The following ABCA13 variants were observed in gnomAD, a reference collection of about 807,000 sequenced individuals.
ABCA13 encodes the protein ATP-binding cassette sub-family A member 13.
ABCA13 carries 476 observed loss-of-function variants against 478.7 expected under a neutral mutation model. That is an observed-to-expected ratio of 0.99 (90% CI 0.92 to 1.07). ABCA13 has a LOEUF of 1.07. Ranked by LOEUF, ABCA13 falls within the 50% of genes least tolerant of loss-of-function variation. ABCA13 has a pLI of 0.00. For synonymous variants in ABCA13, 2,252 were observed against 2,158.9 expected, an observed-to-expected ratio of 1.04 and a Z score of -1.20; for missense variants, 6,060 against 5,910.6, an observed-to-expected ratio of 1.03 and a Z score of -0.83.
intron 15 of ABCA13, among the ~76,000 whole-genome samples, chr7:48,264,354 C>T (rs1248511467): frequency 6.6e-6 from 1 of 151,814 alleles, no homozygotes; most frequent in Non-Finnish European, 1.5e-5. Flanking sequence ...TTACAAAATT[C>T]ACAAACTGTT....
chr7:48,309,815 A>G (rs1166950243), intron 23 of ABCA13, 132 bp from the exon 24 acceptor site: 2 of 931,920 alleles, frequency 2.1e-6, no homozygotes, highest in African/African-American at 3.3e-5. Context: ...GGCTCCCCGC[A>G]TCTGCAGGTC....
intron 3 of ABCA13, among the ~76,000 whole-genome samples, chr7:48,218,746 A>C (rs1331730451): frequency 4.6e-5 from 7 of 152,266 alleles, no homozygotes; most frequent in Admixed American, 2.0e-4. Flanking sequence ...CATTGAATTT[A>C]TTTTATTCAT....
intron 46 of ABCA13, among the ~76,000 whole-genome samples, chr7:48,482,676 G>A (rs1435736468): frequency 6.6e-6 from 1 of 152,124 alleles, no homozygotes; most frequent in Admixed American, 6.5e-5. Flanking sequence ...TTACAGGTGT[G>A]AGCCACCACA....
chr7:48,511,249 AG>A, intron 51 of ABCA13, 50 bp downstream of exon 51: 1 of 1,486,462 alleles, frequency 6.7e-7, no homozygotes, highest in Non-Finnish European at 9.2e-7. Flanking sequence ...TTTCTGAAAG[AG>A]AAAACCCTCA....
rs1815419535 is a variant in ABCA13, at chr7:48,387,832, T to C, written c.11346T>C (p.Gly3782=). The C allele has an allele frequency of 1.3e-6, 2 of 1,581,254 alleles. No individual in the cohort carries two copies. Among genetic ancestry groups the C allele is most frequent in the Non-Finnish European group, 1.7e-6 (2 of 1,168,592 alleles). The change falls in exon 36 of 62, where the codon GGT becomes GGC. Residue 3782 remains glycine, a synonymous_variant. Transcript: ENST00000435803. ...YLSNLIPGTF[G]LRKPWYFPFT... is the part of the protein sequence containing the mutation. Reference sequence around the variant, plus strand: ...TGTTTCATTTTTTAGGAACATTTGGTTTACGGAAACCATGGTATTTCCCCT... The same window carrying C: ...TGTTTCATTTTTTAGGAACATTTGGCTTACGGAAACCATGGTATTTCCCCT...
intron 20 of ABCA13, among the ~76,000 whole-genome samples, chr7:48,295,062 G>A (rs1454569668): frequency 1.3e-5 from 2 of 152,076 alleles, no homozygotes; most frequent in Non-Finnish European, 2.9e-5. Flanking sequence ...GGGATTTCTG[G>A]ATCATATGGT....
At chr7:48,364,838 T>C (rs1811430454) in intron 31 of ABCA13, among the ~76,000 whole-genome samples, 1 of 152,226 alleles carries the variant, frequency 6.6e-6, no homozygotes, top group Non-Finnish European at 1.5e-5. Context: ...ATTCCATATC[T>C]TAGCTATTGT....
At chr7:48,279,995 C>A (rs1796820506) in intron 18 of ABCA13, 75 bp downstream of exon 18, 2 of 1,385,796 alleles carry the variant, frequency 1.4e-6, no homozygotes, top group Admixed American at 3.2e-5. Context: ...GCAGGAATTA[C>A]AGTGAATCGG....
chr7:48,210,629 T>C (rs138990782), intron 3 of ABCA13, among the ~76,000 whole-genome samples: 1 of 152,242 alleles, frequency 6.6e-6, no homozygotes, highest in African/African-American at 2.4e-5. Flanking sequence ...TGTTCACTAT[T>C]TCTGTGTTTT....
intron 41 of ABCA13, among the ~76,000 whole-genome samples, chr7:48,425,223 A>T (rs931876000): frequency 1.3e-5 from 2 of 151,876 alleles, no homozygotes; most frequent in Admixed American, 6.6e-5. Context: ...ATACACACTC[A>T]CACACACACA....
At chr7:48,555,843 A>G (rs1471152161) in intron 55 of ABCA13, among the ~76,000 whole-genome samples, 3 of 150,804 alleles carry the variant, frequency 2.0e-5, no homozygotes, top group Non-Finnish European at 4.5e-5. Context: ...TTTATTTTTT[A>G]CCAATTTTGG....
At chr7:48,625,977 A>G (rs1002265021) in intron 59 of ABCA13, among the ~76,000 whole-genome samples, 6 of 152,216 alleles carry the variant, frequency 3.9e-5, no homozygotes, top group African/African-American at 1.2e-4. Context: ...TAATCTCAAT[A>G]AACTCGGCAT....
At chr7:48,452,768 C>A (rs1367818119) in intron 42 of ABCA13, among the ~76,000 whole-genome samples, 4 of 152,132 alleles carry the variant, frequency 2.6e-5, no homozygotes, top group Admixed American at 6.5e-5. Flanking sequence ...GGCATTTTAC[C>A]TTGTCAGAGA....
At chr7:48,242,449 TTTTGC>T (rs1790993626) in intron 10 of ABCA13, among the ~76,000 whole-genome samples, 1 of 152,144 alleles carries the variant, frequency 6.6e-6, no homozygotes, top group Admixed American at 6.5e-5. Context: ...TTTTGTTTTG[TTTTGC>T]TTTGAGACAG....
intron 47 of ABCA13, among the ~76,000 whole-genome samples, chr7:48,488,585 GTCA>G (rs1283815311): frequency 1.3e-5 from 2 of 152,148 alleles, no homozygotes; most frequent in African/African-American, 4.8e-5. Flanking sequence ...ATCAGTTGGA[GTCA>G]TCATACTTCT....
chr7:48,215,357 T>C (rs914417938), intron 3 of ABCA13, among the ~76,000 whole-genome samples: 1 of 152,136 alleles, frequency 6.6e-6, no homozygotes. Flanking sequence ...CCATCTTATA[T>C]GGGCATGGTT....
intron 22 of ABCA13, 100 bp from the exon 23 acceptor site, chr7:48,298,266 G>T: frequency 8.8e-7 from 1 of 1,132,784 alleles, no homozygotes; most frequent in Non-Finnish European, 1.2e-6. Flanking sequence ...TGGTGTGAAA[G>T]AAACTATCCT....
intron 35 of ABCA13, among the ~76,000 whole-genome samples, chr7:48,385,106 A>C (rs1175447978): frequency 2.0e-5 from 3 of 152,220 alleles, no homozygotes; most frequent in African/African-American, 7.2e-5. Context: ...TATTCCTCAC[A>C]GCAGCTGAAC....
In ABCA13 at chr7:48,645,404, T is replaced by C. The variant is rs1366393744; in HGVS notation, c.15082-13T>C. The C allele has an allele frequency of 3.2e-6, 5 of 1,546,526 alleles. No homozygotes were observed. In the South Asian group the frequency reaches 4.8e-5, roughly 15 times the overall value. On this transcript the variant is annotated splice_polypyrimidine_tract_variant and intron_variant, in intron 61 of 61. Coordinates refer to ENST00000435803, the MANE Select transcript of ABCA13 (RefSeq NM_152701.5). ...TTCTTATAAGTAAACAACATTTTTA[T>C]GGTTTTTTTCAGGTATTTATTAATT...
Sources: allele counts gnomAD v4.1 joint callset (sites outside exome capture counted in the v4.1 genomes callset), GRCh38; gene constraint gnomAD v4.1.1; transcripts MANE v1.5; gene names NCBI Gene and HGNC (gene_info 2026-07-23, HGNC 2026-07-21).